The following RASA2 variants were observed in gnomAD, a reference collection of about 807,000 sequenced individuals.
RASA2 encodes RAS p21 protein activator 2, also known as ras GTPase-activating protein 2.
RASA2 carries 155 observed loss-of-function variants against 118.2 expected under a neutral mutation model. That is an observed-to-expected ratio of 1.31 (90% CI 1.15 to 1.50). The LOEUF (loss-of-function observed/expected upper bound fraction) is 1.50. RASA2 is among the 40% of genes most tolerant of loss of function. The pLI is 0.00. For missense variants in RASA2, 1,016 were observed against 1,009.6 expected (o/e 1.01, Z -0.09); for synonymous variants, 353 against 349.1 (o/e 1.01, Z -0.12).
chr3:141,535,582 C>T (rs1020508791), intron 4 of RASA2, among the ~76,000 whole-genome samples: 2 of 152,172 alleles, frequency 1.3e-5, no homozygotes, highest in Non-Finnish European at 2.9e-5. Context: ...TTTTGGCTTA[C>T]AGTTCTTCTG....
intron 11 of RASA2, among the ~76,000 whole-genome samples, chr3:141,572,029 CATATATATATATATAT>C (rs10568210): frequency 1.2e-4 from 15 of 121,462 alleles, no homozygotes; most frequent in East Asian, 2.3e-4. Context: ...TTTAAAAAAA[CATATATATATATATAT>C]ATATATATAT....
chr3:141,586,044 C>T lies in RASA2; in HGVS notation c.1772C>T (p.Ser591Phe), dbSNP rs964003030. 1.2e-6 allele frequency: 2 copies of T among 1,610,236 alleles called. No homozygotes were observed. Among genetic ancestry groups the T allele is most frequent in the East Asian group, 2.2e-5 (1 of 44,788 alleles). Residue 591 changes from serine (S) to phenylalanine (F), a missense_variant, in exon 18 of 24, where the codon TCT (serine) becomes TTT (phenylalanine). Transcript: ENST00000286364. ...AVKKFLDEISSTETKESSGTS... is the reference protein window; with the variant it reads ...AVKKFLDEISFTETKESSGTS... ...ATTTAGTTCTTGGATGAAATTTCAT[C>T]TACTGAAACTAAAGAGTCCAGTGGT...
At chr3:141,600,271 T>A (rs2083442802) in intron 19 of RASA2, 1 of 536,014 alleles carries the variant, frequency 1.9e-6, no homozygotes, top group South Asian at 1.4e-5. Flanking sequence ...ATGTATTTAG[T>A]TTTCAGCCCC....
At chr3:141,557,361 T>A (rs1439379890) in intron 7 of RASA2, among the ~76,000 whole-genome samples, 1 of 152,206 alleles carries the variant, frequency 6.6e-6, no homozygotes, top group Non-Finnish European at 1.5e-5. Flanking sequence ...CATTAAAGGC[T>A]TGAAGAAATA....
intron 5 of RASA2, 55 bp downstream of exon 5, chr3:141,540,664 T>C: frequency 6.8e-7 from 1 of 1,481,202 alleles, no homozygotes; most frequent in Non-Finnish European, 9.3e-7. Flanking sequence ...TTTTGTATTC[T>C]TTCGATTTTA....
intron 4 of RASA2, among the ~76,000 whole-genome samples, chr3:141,532,377 T>C (rs2082272138): frequency 2.0e-5 from 3 of 152,108 alleles, no homozygotes; most frequent in African/African-American, 7.2e-5. Context: ...AGAAGCCTGC[T>C]CAGATTTGCT....
At chr3:141,552,225 C>T (rs1577723164) in intron 5 of RASA2, among the ~76,000 whole-genome samples, 1 of 151,534 alleles carries the variant, frequency 6.6e-6, no homozygotes, top group Non-Finnish European at 1.5e-5. Context: ...TTTTTTATAC[C>T]TCATAAAATA....
chr3:141,609,972 A>G lies in RASA2; in HGVS notation c.2425A>G (p.Thr809Ala). 1 of 1,606,324 alleles carries G rather than the reference A, an allele frequency of 6.2e-7. No homozygotes were observed. Among genetic ancestry groups the G allele is most frequent in the South Asian group, 1.1e-5 (1 of 89,564 alleles). Residue 809 changes from threonine to alanine, a missense_variant, in exon 23 of 24, where the codon ACA becomes GCA. Thr to Ala is a moderately conservative substitution (Grantham distance 58). This residue lies in a region of RASA2 where 120 missense variants were observed against 173.2 expected (regional missense o/e 0.69). Coordinates refer to ENST00000286364, the MANE Select transcript of RASA2 (RefSeq NM_006506.5). ...VIEDSVTTFK[T>A]IQQIKSIIEK... is the part of the protein sequence containing the mutation. ...CGAGGATTCTGTAACAACCTTTAAG[A>G]CAATTCAGCAAATAAAAAGCATAAT...
chr3:141,511,421 T>C (rs945851054), intron 1 of RASA2, among the ~76,000 whole-genome samples: 1 of 152,132 alleles, frequency 6.6e-6, no homozygotes, highest in South Asian at 2.1e-4. Context: ...TGTTTAGAGG[T>C]AGCCAGGGGG....
At chr3:141,520,681 C>T (rs1200313456) in intron 3 of RASA2, among the ~76,000 whole-genome samples, 1 of 152,086 alleles carries the variant, frequency 6.6e-6, no homozygotes, top group East Asian at 1.9e-4. Context: ...TACACATACA[C>T]TTATATACAC....
At chr3:141,490,654 TC>T in intron 1 of RASA2, among the ~76,000 whole-genome samples, 1 of 152,314 alleles carries the variant, frequency 6.6e-6, no homozygotes, top group Non-Finnish European at 1.5e-5. Flanking sequence ...ACTTAGTTTC[TC>T]TGGTGTCTTC....
intron 9 of RASA2, 132 bp from the exon 10 acceptor site, chr3:141,570,780 C>T (rs2082905211): frequency 5.3e-6 from 4 of 751,144 alleles, no homozygotes; most frequent in Admixed American, 3.4e-5. Context: ...TATCCTGCTA[C>T]TTATGAAGCT....
Position 141,487,087 on chromosome 3 carries a change from G to A in RASA2, c.4G>A (p.Ala2Thr). ...GCGGCACGGGCCGGGCGGCACCATG[G>A]CGGCGGCGGCGCCTGCTGCTGCGGC... is the stretch of plus-strand genomic sequence containing the variant. M[A>T]AAAPAAAAAS... Residue 2 changes from alanine (A) to threonine (T), a missense_variant, in exon 1 of 24, where the codon GCG becomes ACG. This residue lies in a region of RASA2 where 896 missense variants were observed against 836.4 expected (regional missense o/e 1.07). Coordinates refer to ENST00000286364, the MANE Select transcript of RASA2 (RefSeq NM_006506.5). 7.4e-7 allele frequency: 1 copy of A among 1,357,812 alleles called. No homozygotes were observed. The highest frequency in any genetic ancestry group is 9.6e-7 in the Non-Finnish European group (1 of 1,041,992). The allele number at this position is 1,357,812 out of a possible 1,614,324, so 84.1% of individuals were successfully genotyped here.
intron 5 of RASA2, 127 bp from the exon 6 acceptor site, chr3:141,553,729 GC>G (rs2082606876): frequency 3.1e-5 from 45 of 1,446,358 alleles, no homozygotes; most frequent in Non-Finnish European, 3.9e-5. Flanking sequence ...GTAGTATATA[GC>G]CATACAACTG....
At chr3:141,523,980 G>C (rs2082149002) in intron 3 of RASA2, among the ~76,000 whole-genome samples, 1 of 152,178 alleles carries the variant, frequency 6.6e-6, no homozygotes, top group South Asian at 2.1e-4. Flanking sequence ...AAAATTTACT[G>C]TGTATAAATT....
At chr3:141,521,714 T>A (rs1218570159) in intron 3 of RASA2, among the ~76,000 whole-genome samples, 1 of 152,144 alleles carries the variant, frequency 6.6e-6, no homozygotes, top group African/African-American at 2.4e-5. Flanking sequence ...TCTTAAATGT[T>A]TATTCTTTCT....
Position 141,586,922 on chromosome 3 carries a change from G to A in RASA2, c.1933+170G>A, listed in dbSNP as rs1290875634. 1.2e-5 allele frequency: 8 copies of A among 665,602 alleles called. No individual in the cohort carries two copies. The East Asian group carries it at 2.4e-4, about 20-fold the overall frequency. The allele number at this position is 665,602 out of a possible 1,614,324, so 41.2% of individuals were successfully genotyped here. ...AAAAAATATTTGACAGTAACCCCATGTATATTATGTTTTTCTCACATTAAA... is the reference window on the plus strand; with the variant it reads ...AAAAAATATTTGACAGTAACCCCATATATATTATGTTTTTCTCACATTAAA... On this transcript the variant is annotated intron_variant, in intron 19 of 23. Coordinates refer to ENST00000286364, the MANE Select transcript of RASA2 (RefSeq NM_006506.5).
intron 3 of RASA2, among the ~76,000 whole-genome samples, chr3:141,519,191 C>T (rs549175747): frequency 1.3e-5 from 2 of 151,912 alleles, no homozygotes; most frequent in African/African-American, 2.4e-5. Context: ...CTAATATGGA[C>T]GACATAAATG....
chr3:141,572,640 C>T lies in RASA2; in HGVS notation c.1201C>T (p.Leu401=). The change falls in exon 12 of 24, where the codon CTG becomes TTG. Residue 401 remains leucine (L), a synonymous_variant. Coordinates refer to ENST00000286364, the MANE Select transcript of RASA2 (RefSeq NM_006506.5). The stretch of plus-strand genomic sequence containing the variant: ...AAACACAATTTTTAGAGGAAATTCC[C>T]TGGCTACCCGATGTCTGGATGAGAT... ...DANTIFRGNS[L]ATRCLDEMMK... is the part of the protein sequence containing the mutation. 1.2e-6 allele frequency: 2 copies of T among 1,613,486 alleles called. No individual in the cohort carries two copies. Among genetic ancestry groups the T allele is most frequent in the African/African-American group, 1.3e-5 (1 of 74,996 alleles).
Sources: gnomAD v4.1 joint callset for allele counts (sites outside exome capture counted in the v4.1 genomes callset) on GRCh38, gnomAD v4.1.1 for gene constraint, gnomAD v4.1.1 regional missense constraint, MANE v1.5 for transcripts, NCBI Gene and HGNC (gene_info 2026-07-23, HGNC 2026-07-21) for gene names.